Variants in DPYSL2 observed in about 807,000 individuals in gnomAD.
DPYSL2 encodes the protein dihydropyrimidinase-related protein 2.
DPYSL2 carries 13 observed loss-of-function variants against 69.9 expected under a neutral mutation model. That is an observed-to-expected ratio of 0.19 (90% CI 0.12 to 0.30). The LOEUF (loss-of-function observed/expected upper bound fraction) is 0.30, where lower values mean the gene tolerates loss of function less well. Among genes scored for constraint, DPYSL2 ranks in the 10% least tolerant of loss-of-function variants. DPYSL2 has a pLI of 1.00. For missense variants in DPYSL2, 587 were observed against 918.9 expected, an observed-to-expected ratio of 0.64 and a Z score of 4.67; for synonymous variants, 326 against 359.1, an observed-to-expected ratio of 0.91 and a Z score of 1.04.
intron 1 of DPYSL2, among the ~76,000 whole-genome samples, chr8:26,561,262 C>A (rs1801065425): frequency 6.6e-6 from 1 of 152,122 alleles, no homozygotes; most frequent in Admixed American, 6.5e-5. Context: ...CTCTCTCTGG[C>A]CACTCCTGAG....
At position 26,644,099 on chromosome 8, in the gene DPYSL2, G is replaced by A. The variant is rs1178604116; in HGVS notation, c.1425+8G>A. ...ATCTGGGACAAGGCTGTGGTAAGGA[G>A]CGATGGCCTCACTCCTTGGTGGCTC... On this transcript the variant is annotated splice_region_variant and intron_variant, in intron 10 of 13. Coordinates refer to ENST00000521913, the MANE Select transcript of DPYSL2 (RefSeq NM_001197293.3). This position sits in a 1 kb window ranked among gnomAD's most constrained non-coding sequence, Gnocchi z 4.5. 6.2e-7 allele frequency: 1 copy of A among 1,613,692 alleles called. No individual in the cohort carries two copies. Among genetic ancestry groups the A allele is most frequent in the Non-Finnish European group, 8.5e-7 (1 of 1,179,824 alleles).
intron 1 of DPYSL2, among the ~76,000 whole-genome samples, chr8:26,526,612 T>C (rs1808482009): frequency 6.6e-6 from 1 of 152,256 alleles, no homozygotes; most frequent in Non-Finnish European, 1.5e-5. Context: ...CCCTGTTTGA[T>C]TTCTGACTGA....
At chr8:26,628,486 G>C (rs992013274) in intron 7 of DPYSL2, among the ~76,000 whole-genome samples, 1 of 152,228 alleles carries the variant, frequency 6.6e-6, no homozygotes, top group Non-Finnish European at 1.5e-5. Flanking sequence ...CACCGTCTTG[G>C]TGAGGTGTGT....
At chr8:26,555,818 C>T (rs1292730909) in intron 1 of DPYSL2, among the ~76,000 whole-genome samples, 1 of 148,622 alleles carries the variant, frequency 6.7e-6, no homozygotes, top group African/African-American at 2.5e-5. Flanking sequence ...GCCTGGGAGA[C>T]AGAGGTTGCA....
At chr8:26,577,345 A>T (rs1229765252) in intron 1 of DPYSL2, 169 of 207,142 alleles carry the variant, frequency 8.2e-4, no homozygotes, top group Non-Finnish European at 1.6e-4. Flanking sequence ...TCCAGTCCTC[A>T]GCCGCGCCAG....
rs921687703 is a variant in DPYSL2, at chr8:26,586,098, G to A, written c.628+2115G>A. Among the ~76,000 whole-genome samples the A allele has an allele frequency of 9.3e-5, 14 of 149,930 alleles. No homozygotes were observed. Among genetic ancestry groups the A allele is most frequent in the African/African-American group, 3.2e-4 (13 of 40,944 alleles). On this transcript the variant is annotated intron_variant, in intron 3 of 13. Coordinates refer to ENST00000521913, the MANE Select transcript of DPYSL2 (RefSeq NM_001197293.3). The surrounding 1 kb of genome is among the most constrained non-coding windows in gnomAD (Gnocchi z 4.7). ...ATCCTGAGCAATAGAGTGAGACTCC[G>A]TCTCAAAAAAAAACAAACAAAAAAA... is the stretch of plus-strand genomic sequence containing the variant.
intron 7 of DPYSL2, among the ~76,000 whole-genome samples, chr8:26,634,169 G>A (rs1269016381): frequency 6.6e-6 from 1 of 152,214 alleles, no homozygotes; most frequent in African/African-American, 2.4e-5. Flanking sequence ...TCTAGTCCAG[G>A]GCAGAGCCAG....
rs182612042 is a variant in DPYSL2 at position 26,538,419 on chromosome 8, A to T, written c.354+23740A>T. On this transcript the variant is annotated intron_variant, in intron 1 of 13. Transcript: ENST00000521913. ...TTTTAACCTATGCTACCCCTCCCTC[A>T]GTCTGGTATAGGTAGGTACCAAGAG... 1.6e-4 allele frequency among the ~76,000 whole-genome samples: 24 copies of T among 152,242 alleles called. No individual in the cohort carries two copies. In the East Asian group the frequency reaches 4.3e-3, roughly 27 times the overall value.
intron 1 of DPYSL2, chr8:26,578,350 G>C (rs1801407604): frequency 6.2e-7 from 1 of 1,605,780 alleles, no homozygotes; most frequent in Admixed American, 1.7e-5. Flanking sequence ...TAGCACAGAA[G>C]GTCTAAGGAA....
In DPYSL2 at chr8:26,605,416, G is replaced by C. The variant is rs756372128; in HGVS notation, c.629-18727G>C. Among the ~76,000 whole-genome samples the C allele has an allele frequency of 3.3e-5, 5 of 152,000 alleles. No individual in the cohort carries two copies. The highest frequency in any genetic ancestry group is 5.9e-5 in the Non-Finnish European group (4 of 68,010). On this transcript the variant is annotated intron_variant, in intron 3 of 13. Transcript: ENST00000521913. The surrounding 1 kb of genome is among the most constrained non-coding windows in gnomAD (Gnocchi z 4.1). ...TTCTCTTGCCTCAGCCTCTCAAGTA[G>C]AGTAGCCAGGATTACATGCACCCAC...
At chr8:26,579,432 A>C (rs1311949001) in intron 1 of DPYSL2, among the ~76,000 whole-genome samples, 2 of 152,230 alleles carry the variant, frequency 1.3e-5, no homozygotes, top group Non-Finnish European at 2.9e-5. Context: ...AAGGATGTGC[A>C]ATTGCAACCG....
rs954119365 is a variant in DPYSL2, at chr8:26,582,778, T to C, written c.443+721T>C. ...AGCACATCTGTTTGAAGACAAACAC[T>C]GCAGCCAGTGACAGCTTTTAAATAA... On this transcript the variant is annotated intron_variant, in intron 2 of 13. Transcript: ENST00000521913. This position sits in a 1 kb window ranked among gnomAD's most constrained non-coding sequence, Gnocchi z 4.1. 1.3e-5 allele frequency among the ~76,000 whole-genome samples: 2 copies of C among 152,204 alleles called. No homozygotes were observed. Among genetic ancestry groups the C allele is most frequent in the African/African-American group, 4.8e-5 (2 of 41,460 alleles).
chr8:26,652,314 A>G lies in DPYSL2; in HGVS notation c.1654A>G (p.Ile552Val). 1 of 1,614,226 alleles carries G rather than the reference A, an allele frequency of 6.2e-7. No individual in the cohort carries two copies. Among genetic ancestry groups the G allele is most frequent in the Non-Finnish European group, 8.5e-7 (1 of 1,180,032 alleles). ...GTGCCGCGGCTCCCCACTGGTGGTC[A>G]TCAGCCAGGGGAAGATTGTCCTGGA... ...MECRGSPLVV[I>V]SQGKIVLEDG... Residue 552 changes from isoleucine to valine, a missense_variant, in exon 12 of 14, where the codon ATC becomes GTC. Physicochemically the swap from Ile to Val is conservative, Grantham distance 29. Transcript: ENST00000521913. This position sits in a 1 kb window ranked among gnomAD's most constrained non-coding sequence, Gnocchi z 6.3.
Position 26,587,679 on chromosome 8 carries a change from G to A in DPYSL2, c.628+3696G>A, listed in dbSNP as rs963129053. 4.6e-5 allele frequency among the ~76,000 whole-genome samples: 7 copies of A among 152,206 alleles called. No individual in the cohort carries two copies. Among genetic ancestry groups the A allele is most frequent in the African/African-American group, 9.6e-5 (4 of 41,464 alleles). Reference sequence around the variant, plus strand: ...GGACTCAGTGTGGAGCAGGGGGAACGCCCTTTGCCCTTTCCACCCAGTGGT... The same window carrying A: ...GGACTCAGTGTGGAGCAGGGGGAACACCCTTTGCCCTTTCCACCCAGTGGT... On this transcript the variant is annotated intron_variant, in intron 3 of 13. Coordinates refer to ENST00000521913, the MANE Select transcript of DPYSL2 (RefSeq NM_001197293.3). This position sits in a 1 kb window ranked among gnomAD's most constrained non-coding sequence, Gnocchi z 4.2.
chr8:26,541,785 GA>G (rs1177768436), intron 1 of DPYSL2, among the ~76,000 whole-genome samples: 1 of 151,520 alleles, frequency 6.6e-6, no homozygotes, highest in African/African-American at 2.4e-5. Context: ...TAATAGCAAA[GA>G]AAAAAACCTG....
At chr8:26,633,501 G>A (rs12546827) in intron 7 of DPYSL2, among the ~76,000 whole-genome samples, 1 of 151,782 alleles carries the variant, frequency 6.6e-6, no homozygotes, top group Non-Finnish European at 1.5e-5. Flanking sequence ...GAAGTCTCTC[G>A]CTGTCACCCA....
intron 1 of DPYSL2, among the ~76,000 whole-genome samples, chr8:26,531,062 GAAA>G (rs11343463): frequency 1.5e-5 from 2 of 132,850 alleles, no homozygotes; most frequent in African/African-American, 5.9e-5. Context: ...TCGTCTCAAA[GAAA>G]AAAAAAAAAA....
At chr8:26,563,849 G>GTCAA (rs1801110253) in intron 1 of DPYSL2, among the ~76,000 whole-genome samples, 1 of 151,752 alleles carries the variant, frequency 6.6e-6, no homozygotes, top group Non-Finnish European at 1.5e-5. Context: ...TGCTGGATGA[G>GTCAA]TGAATGAATG....
intron 1 of DPYSL2, among the ~76,000 whole-genome samples, chr8:26,526,653 G>C (rs373983186): frequency 6.6e-6 from 1 of 152,202 alleles, no homozygotes; most frequent in Admixed American, 6.5e-5. Context: ...TTGTTTGAAA[G>C]CGATGCTCTC....
Sources: allele counts gnomAD v4.1 joint callset (sites outside exome capture counted in the v4.1 genomes callset), GRCh38; gene constraint gnomAD v4.1.1; non-coding constraint Gnocchi (gnomAD v3.1); transcripts MANE v1.5; gene names NCBI Gene and HGNC (gene_info 2026-07-23, HGNC 2026-07-21).